WDR11: variants seen among roughly 807,000 people sequenced by gnomAD.
WDR11 encodes the protein WD repeat domain 11, also known as WD repeat-containing protein 11.
Under a neutral mutation model 151.2 loss-of-function variants are expected in WDR11, and 83 were observed. That is an observed-to-expected ratio of 0.55 (90% confidence interval 0.46 to 0.66). The LOEUF is 0.66. Ranked by LOEUF, WDR11 falls within the 30% of genes least tolerant of loss-of-function variation. The probability of loss-of-function intolerance (pLI) is 0.00; values close to 1 mark genes in which losing one functional copy is unlikely to be tolerated. For synonymous variants in WDR11, 484 were observed against 533.1 expected, an observed-to-expected ratio of 0.91 and a Z score of 1.27; for missense variants, 1,301 against 1,480.9, an observed-to-expected ratio of 0.88 and a Z score of 1.99.
At chr10:120,881,458 T>C (rs1350774490) in intron 13 of WDR11, among the ~76,000 whole-genome samples, 1 of 151,852 alleles carries the variant, frequency 6.6e-6, no homozygotes, top group African/African-American at 2.4e-5. Context: ...TGGGATTGCA[T>C]TGAACCCATC....
chr10:120,858,572 T>A (rs1216369598), intron 2 of WDR11, 71 bp from the exon 3 acceptor site: 1 of 1,568,532 alleles, frequency 6.4e-7, no homozygotes, highest in Admixed American at 1.7e-5. Flanking sequence ...TTCTGGTTGA[T>A]GTTTTGTGAA....
intron 27 of WDR11, 157 bp from the exon 28 acceptor site, chr10:120,906,618 CT>C: frequency 1.3e-6 from 2 of 1,498,906 alleles, no homozygotes; most frequent in Non-Finnish European, 8.9e-7. Context: ...TTCTTCCCTC[CT>C]TTTTTCAACA....
At chr10:120,854,612 G>A (rs1168413130) in intron 2 of WDR11, among the ~76,000 whole-genome samples, 1 of 152,128 alleles carries the variant, frequency 6.6e-6, no homozygotes, top group Admixed American at 6.5e-5. Flanking sequence ...ATTCTCATTA[G>A]TAGTGTATGA....
chr10:120,887,821 T>C (rs1171469977), intron 16 of WDR11, among the ~76,000 whole-genome samples: 4 of 152,212 alleles, frequency 2.6e-5, no homozygotes, highest in East Asian at 1.9e-4. Context: ...TATGACCTGG[T>C]TTCAGAAGTC....
Position 120,878,358 on chromosome 10 carries a change from T to C in WDR11, c.1562T>C (p.Ile521Thr). 1.2e-6 allele frequency: 2 copies of C among 1,606,534 alleles called. No homozygotes were observed. The highest frequency in any genetic ancestry group is 1.7e-6 in the Non-Finnish European group (2 of 1,173,534). Residue 521 changes from isoleucine (I) to threonine (T), a missense_variant, in exon 12 of 29, where the codon ATT (isoleucine) becomes ACT (threonine). Ile to Thr is a moderately conservative substitution (Grantham distance 89). Around this residue, in one of 3 missense-constraint regions of WDR11, gnomAD observed 692 missense variants for 762.5 expected, o/e 0.91. Transcript: ENST00000263461. ...TATCTCATTTCCTATTATAGGGGTA[T>C]TGAATGGACAAGTTTGACTAGTTTT... is the stretch of plus-strand genomic sequence containing the variant. ...LSIHSCEVKG[I>T]EWTSLTSFLS... is the part of the protein sequence containing the mutation.
chr10:120,899,798 T>TA (rs1358070145), intron 19 of WDR11: 2 of 557,824 alleles, frequency 3.6e-6, no homozygotes, highest in Non-Finnish European at 6.3e-6. Context: ...AAAAATAAAA[T>TA]AAAAAATCAA....
intron 6 of WDR11, 120 bp from the exon 7 acceptor site, chr10:120,865,510 T>A (rs1210137649): frequency 1.3e-6 from 1 of 744,420 alleles, no homozygotes; most frequent in African/African-American, 1.8e-5. Context: ...GTTTTAAAGT[T>A]TGGGATTTGT....
At position 120,865,227 on chromosome 10, in the gene WDR11, TA is replaced by T; in HGVS notation, c.879+18del. The T allele has an allele frequency of 5.0e-6, 8 of 1,612,336 alleles. No individual in the cohort carries two copies. Among genetic ancestry groups the T allele is most frequent in the Non-Finnish European group, 6.8e-6 (8 of 1,178,456 alleles). Reference sequence around the variant, plus strand: ...CATTTTTACAGGTATCTACAATTCATAAATTATATTCCCCAAAATTATTAAG... The same window carrying T: ...CATTTTTACAGGTATCTACAATTCATAATTATATTCCCCAAAATTATTAAG... On this transcript the variant is annotated intron_variant, in intron 6 of 28. Transcript: ENST00000263461.
intron 12 of WDR11, chr10:120,879,465 G>A (rs902740738): frequency 2.0e-5 from 3 of 151,976 alleles, no homozygotes; most frequent in Non-Finnish European, 4.4e-5. Context: ...AGTGATCCCA[G>A]GGATAAAATG....
At chr10:120,869,376 G>T (rs1846442422) in intron 9 of WDR11, among the ~76,000 whole-genome samples, 1 of 152,004 alleles carries the variant, frequency 6.6e-6, no homozygotes, top group African/African-American at 2.4e-5. Flanking sequence ...GCCTCCCAAA[G>T]TGCTGGGATT....
At chr10:120,858,510 A>T (rs1009701620) in intron 2 of WDR11, 133 bp from the exon 3 acceptor site, 50 of 1,096,764 alleles carry the variant, frequency 4.6e-5, no homozygotes, top group Non-Finnish European at 5.8e-5. Context: ...AATGAAAACC[A>T]GTTTTCTGTT....
Position 120,890,536 on chromosome 10 carries a change from A to G in WDR11, c.2344-180A>G, listed in dbSNP as rs368381728. On this transcript the variant is annotated intron_variant, in intron 18 of 28. Coordinates refer to ENST00000263461, the MANE Select transcript of WDR11 (RefSeq NM_018117.12). The stretch of plus-strand genomic sequence containing the variant: ...GCCGATTTATTTATTTTTTAATATT[A>G]TCACTGTCTCTGAGACCTTTAAAAT... Among the ~76,000 whole-genome samples the G allele has an allele frequency of 8.1e-4, 123 of 152,338 alleles. 2 individuals are homozygous for G. In the South Asian group the frequency reaches 0.025, roughly 31 times the overall value.
intron 19 of WDR11, among the ~76,000 whole-genome samples, chr10:120,896,907 C>T (rs891468347): frequency 2.6e-5 from 4 of 152,114 alleles, no homozygotes; most frequent in Admixed American, 6.6e-5. Flanking sequence ...TGGCAGTGAG[C>T]GCACATAGCA....
At chr10:120,878,520 A>G in intron 12 of WDR11, 61 bp downstream of exon 12, 1 of 1,381,938 alleles carries the variant, frequency 7.2e-7, no homozygotes, top group Non-Finnish European at 1.0e-6. Context: ...CCATTTATAA[A>G]ACATGTTTGA....
chr10:120,865,213 G>C lies in WDR11; in HGVS notation c.879+1G>C. On this transcript the variant is annotated splice_donor_variant, in intron 6 of 28. Coordinates refer to ENST00000263461, the MANE Select transcript of WDR11 (RefSeq NM_018117.12). LOFTEE classifies it high-confidence loss of function. Reference sequence around the variant, plus strand: ...ACGCACAGGAGTTCCATTTTTACAGGTATCTACAATTCATAAATTATATTC... The same window carrying C: ...ACGCACAGGAGTTCCATTTTTACAGCTATCTACAATTCATAAATTATATTC... 1 of 1,613,518 alleles carries C rather than the reference G, an allele frequency of 6.2e-7. No homozygotes were observed. Among genetic ancestry groups the C allele is most frequent in the Non-Finnish European group, 8.5e-7 (1 of 1,179,578 alleles).
At chr10:120,877,330 T>C (rs536590159) in intron 11 of WDR11, among the ~76,000 whole-genome samples, 26 of 152,310 alleles carry the variant, frequency 1.7e-4, no homozygotes, top group Admixed American at 1.6e-3. Flanking sequence ...TCCTCTTCAT[T>C]GCCATTTTGA....
chr10:120,900,252 G>A, intron 20 of WDR11, 115 bp downstream of exon 20: 5 of 928,566 alleles, frequency 5.4e-6, no homozygotes, highest in South Asian at 2.7e-5. Flanking sequence ...CTTTAAAGCC[G>A]AGAGAAGGCA....
At chr10:120,857,047 GCC>G (rs1845971813) in intron 2 of WDR11, among the ~76,000 whole-genome samples, 3 of 151,802 alleles carry the variant, frequency 2.0e-5, no homozygotes, top group Non-Finnish European at 4.4e-5. Context: ...TGAACTCATA[GCC>G]AACAACACAT....
At chr10:120,869,335 G>A (rs1310192370) in intron 9 of WDR11, among the ~76,000 whole-genome samples, 10 of 151,806 alleles carry the variant, frequency 6.6e-5, no homozygotes, top group Non-Finnish European at 1.2e-4. Context: ...GGATGGTCTC[G>A]ATCTCCTGAC....
Sources: allele counts gnomAD v4.1 joint callset (sites outside exome capture counted in the v4.1 genomes callset), GRCh38; gene constraint gnomAD v4.1.1; regional missense constraint gnomAD v4.1.1; transcripts MANE v1.5; gene names NCBI Gene and HGNC (gene_info 2026-07-23, HGNC 2026-07-21).